The following GRIK1 variants were observed in gnomAD, a reference collection of about 807,000 sequenced individuals.
The protein encoded by GRIK1 is glutamate receptor ionotropic, kainate 1.
GRIK1 carries 69 observed loss-of-function variants against 105.7 expected under a neutral mutation model. The ratio of observed to expected loss-of-function variants is 0.65; its 90% CI spans 0.54 to 0.80. The LOEUF is 0.80. Ranked by LOEUF, GRIK1 falls within the 30% of genes least tolerant of loss-of-function variation. GRIK1 has a pLI of 0.00. For synonymous variants in GRIK1, 438 were observed against 431.3 expected (o/e 1.02, Z -0.19); for missense variants, 1,109 against 1,167.3 (o/e 0.95, Z 0.73).
intron 7 of GRIK1, among the ~76,000 whole-genome samples, chr21:29,604,739 ATC>A (rs1408362020): frequency 6.6e-6 from 1 of 152,174 alleles, no homozygotes; most frequent in Non-Finnish European, 1.5e-5. Context: ...CCTGCATCAG[ATC>A]TTCATGTCTA....
At chr21:29,790,517 G>A (rs1048364025) in intron 1 of GRIK1, among the ~76,000 whole-genome samples, 4 of 151,334 alleles carry the variant, frequency 2.6e-5, no homozygotes, top group African/African-American at 9.7e-5. Context: ...ATGCAGCAGT[G>A]CAATCACAGC....
At chr21:29,823,554 C>T (rs1453766443) in intron 1 of GRIK1, among the ~76,000 whole-genome samples, 1 of 151,822 alleles carries the variant, frequency 6.6e-6, no homozygotes, top group Non-Finnish European at 1.5e-5. Flanking sequence ...TAAGAACCAT[C>T]AGTTTTGGAA....
intron 1 of GRIK1, among the ~76,000 whole-genome samples, chr21:29,916,396 A>AC (rs2146309916): frequency 6.6e-6 from 1 of 151,950 alleles, no homozygotes; most frequent in East Asian, 1.9e-4. Context: ...TGTAAAAAAA[A>AC]ATTTAAGAAG....
intron 1 of GRIK1, among the ~76,000 whole-genome samples, chr21:29,783,961 C>T (rs1256357287): frequency 6.6e-6 from 1 of 152,150 alleles, no homozygotes; most frequent in Non-Finnish European, 1.5e-5. Context: ...GACGGAGTCT[C>T]GCTCTGTCGC....
At chr21:29,750,911 C>A (rs1386818430) in intron 1 of GRIK1, among the ~76,000 whole-genome samples, 1 of 152,134 alleles carries the variant, frequency 6.6e-6, no homozygotes, top group African/African-American at 2.4e-5. Context: ...TGGGTGCAGG[C>A]GGACTGAGTC....
intron 1 of GRIK1, among the ~76,000 whole-genome samples, chr21:29,708,442 A>C (rs558468962): frequency 6.6e-6 from 1 of 152,354 alleles, no homozygotes; most frequent in African/African-American, 2.4e-5. Context: ...AAATGTTTAC[A>C]TTTATAATTA....
chr21:29,724,050 T>C (rs2064390276), intron 1 of GRIK1, among the ~76,000 whole-genome samples: 1 of 152,242 alleles, frequency 6.6e-6, no homozygotes, highest in Non-Finnish European at 1.5e-5. Context: ...TTGTGCCCTC[T>C]TTTGGAGATG....
intron 1 of GRIK1, among the ~76,000 whole-genome samples, chr21:29,762,454 A>T (rs989579902): frequency 2.0e-4 from 31 of 152,246 alleles, no homozygotes; most frequent in Non-Finnish European, 8.8e-5. Flanking sequence ...GAAGGTAAGC[A>T]GGCCACTTAC....
chr21:29,762,858 C>T (rs779693709), intron 1 of GRIK1, among the ~76,000 whole-genome samples: 8 of 152,164 alleles, frequency 5.3e-5, no homozygotes, highest in Non-Finnish European at 1.0e-4. Flanking sequence ...CAATGTAGTA[C>T]TTGAAATGAA....
chr21:29,842,679 G>T (rs2068014363), intron 1 of GRIK1, among the ~76,000 whole-genome samples: 1 of 152,118 alleles, frequency 6.6e-6, no homozygotes, highest in Non-Finnish European at 1.5e-5. Context: ...AACTCAGGCA[G>T]TTATATCTTC....
chr21:29,818,322 T>C (rs772687415), intron 1 of GRIK1, among the ~76,000 whole-genome samples: 6 of 152,100 alleles, frequency 3.9e-5, no homozygotes, highest in Non-Finnish European at 7.4e-5. Context: ...AAAATCACAC[T>C]GAATCAATCC....
At chr21:29,568,021 A>T (rs947312549) in intron 14 of GRIK1, among the ~76,000 whole-genome samples, 9 of 152,200 alleles carry the variant, frequency 5.9e-5, no homozygotes, top group African/African-American at 1.9e-4. Flanking sequence ...AAATTTATGG[A>T]TTCCCTTTAG....
At chr21:29,554,805 CTG>C (rs1027548511) in intron 16 of GRIK1, among the ~76,000 whole-genome samples, 8 of 152,270 alleles carry the variant, frequency 5.3e-5, no homozygotes, top group African/African-American at 1.7e-4. Flanking sequence ...AATTTCTGCA[CTG>C]TCTTTCCAAA....
At chr21:29,626,947 AG>A (rs1368484186) in intron 7 of GRIK1, among the ~76,000 whole-genome samples, 2 of 152,204 alleles carry the variant, frequency 1.3e-5, no homozygotes, top group African/African-American at 2.4e-5. Flanking sequence ...GGAGTTTTGC[AG>A]TTGTAAGAGG....
chr21:29,698,467 A>G (rs1257314044), intron 1 of GRIK1, among the ~76,000 whole-genome samples: 1 of 152,232 alleles, frequency 6.6e-6, no homozygotes. Context: ...TCATTCTGCT[A>G]TAATTCTTGA....
chr21:29,839,159 C>A (rs1023333133), intron 1 of GRIK1, among the ~76,000 whole-genome samples: 4 of 152,118 alleles, frequency 2.6e-5, no homozygotes, highest in African/African-American at 9.7e-5. Flanking sequence ...AAGCGATTCT[C>A]CTGCCTCAGC....
Position 29,537,243 on chromosome 21 carries a change from T to C in GRIK1, c.2837A>G (p.Glu946Gly), listed in dbSNP as rs1467174051. 2 of 1,605,704 alleles carry C rather than the reference T, an allele frequency of 1.2e-6. No individual in the cohort carries two copies. The highest frequency in any genetic ancestry group is 2.7e-5 in the African/African-American group (2 of 74,002). The change falls in exon 18 of 18, where the codon GAG (glutamate) becomes GGG (glycine). Residue 946 changes from glutamate (E) to glycine (G), a missense_variant. Around this residue, in one of 5 missense-constraint regions of GRIK1, gnomAD observed 161 missense variants for 143.4 expected, o/e 1.12. Coordinates refer to ENST00000327783, the MANE Select transcript of GRIK1 (RefSeq NM_001330994.2). ...TCHQRRTQRK[E>G]TVA ...CGTTTCCTTGGATCACGCCACAGTC[T>C]CTTTTCTCTGAGTTCGTCTCTGATG... is the stretch of plus-strand genomic sequence containing the variant.
chr21:29,686,134 C>A (rs1462273663), intron 3 of GRIK1, among the ~76,000 whole-genome samples: 1 of 152,188 alleles, frequency 6.6e-6, no homozygotes, highest in Non-Finnish European at 1.5e-5. Context: ...TAGAAATAGA[C>A]AGTTTTCCCT....
At chr21:29,638,645 T>TA (rs1329431317) in intron 7 of GRIK1, among the ~76,000 whole-genome samples, 1 of 152,196 alleles carries the variant, frequency 6.6e-6, no homozygotes, top group Non-Finnish European at 1.5e-5. Flanking sequence ...AACAAGCAGG[T>TA]AAAACTAGTT....
Sources: gnomAD v4.1 joint callset for allele counts (sites outside exome capture counted in the v4.1 genomes callset) on GRCh38, gnomAD v4.1.1 for gene constraint, gnomAD v4.1.1 regional missense constraint, MANE v1.5 for transcripts, NCBI Gene and HGNC (gene_info 2026-07-23, HGNC 2026-07-21) for gene names.